SHTN1: variants seen among roughly 807,000 people sequenced by gnomAD.
SHTN1 encodes the protein shootin 1.
In SHTN1, 42 loss-of-function variants were observed where a neutral mutation model predicts 83.1. The observed-to-expected ratio is 0.51, with a 90% CI of 0.39 to 0.65. The LOEUF (loss-of-function observed/expected upper bound fraction) is 0.65. Ranked by LOEUF, SHTN1 falls within the 30% of genes least tolerant of loss-of-function variation. The probability of loss-of-function intolerance (pLI) is 0.00; values close to 1 mark genes in which losing one functional copy is unlikely to be tolerated. For missense variants in SHTN1, 622 were observed against 737.8 expected, an observed-to-expected ratio of 0.84 and a Z score of 1.82; for synonymous variants, 224 against 247.7, an observed-to-expected ratio of 0.90 and a Z score of 0.90.
chr10:116,979,528 T>A (rs547164180), intron 1 of SHTN1, among the ~76,000 whole-genome samples: 2 of 152,338 alleles, frequency 1.3e-5, no homozygotes, highest in Admixed American at 1.3e-4. Flanking sequence ...GTTCAAACGA[T>A]CCTCCTGCCT....
upstream of SHTN1, chr10:117,005,343 G>T: frequency 7.8e-7 from 1 of 1,288,410 alleles, no homozygotes; most frequent in East Asian, 3.6e-5. Flanking sequence ...ACGAGGGCGG[G>T]TCGGCAGCCG....
At chr10:117,095,719 G>A (rs17095675) in intron 1 of SHTN1, among the ~76,000 whole-genome samples, 3,641 of 152,178 alleles carry the variant, frequency 0.024, 130 homozygotes, top group East Asian at 0.12. Flanking sequence ...CTGATTTAGT[G>A]AATTTATGAT....
At chr10:116,941,378 A>T (rs1849369143) in intron 8 of SHTN1, among the ~76,000 whole-genome samples, 2 of 152,212 alleles carry the variant, frequency 1.3e-5, no homozygotes, top group South Asian at 4.1e-4. Context: ...TAAGCAATTT[A>T]TATGTTATTC....
intron 2 of SHTN1, among the ~76,000 whole-genome samples, chr10:117,014,409 G>A (rs979382333): frequency 1.3e-5 from 2 of 152,160 alleles, no homozygotes; most frequent in African/African-American, 4.8e-5. Flanking sequence ...GGGAAGGGAT[G>A]GGGGAAAGGA....
chr10:117,003,139 TAAG>T (rs1851880155), intron 1 of SHTN1, among the ~76,000 whole-genome samples: 2 of 152,038 alleles, frequency 1.3e-5, no homozygotes, highest in Middle Eastern at 3.4e-3. Context: ...TGACCAACCA[TAAG>T]AAGATCTGAT....
chr10:117,064,254 T>A (rs10749239), intron 1 of SHTN1, among the ~76,000 whole-genome samples: 1 of 152,146 alleles, frequency 6.6e-6, no homozygotes, highest in East Asian at 1.9e-4. Context: ...ATATTGAGAC[T>A]ATCCTTGGGC....
At chr10:117,021,282 C>T (rs1393655274) in intron 2 of SHTN1, among the ~76,000 whole-genome samples, 1 of 152,064 alleles carries the variant, frequency 6.6e-6, no homozygotes, top group Non-Finnish European at 1.5e-5. Flanking sequence ...TTTCCTCCCT[C>T]CCTTCTTTCC....
chr10:117,040,952 A>C (rs1852575583), intron 2 of SHTN1, among the ~76,000 whole-genome samples: 1 of 151,562 alleles, frequency 6.6e-6, no homozygotes. Flanking sequence ...TTTATCTTAA[A>C]ATTTTTTTAT....
At chr10:117,059,050 T>C (rs1852864627) in intron 1 of SHTN1, among the ~76,000 whole-genome samples, 1 of 152,106 alleles carries the variant, frequency 6.6e-6, no homozygotes, top group African/African-American at 2.4e-5. Context: ...GTTATAGAAA[T>C]GGATGATGGT....
At chr10:116,901,169 G>C in intron 16 of SHTN1, 1 of 985,340 alleles carries the variant, frequency 1.0e-6, no homozygotes. Flanking sequence ...AAAAAGAGCT[G>C]CCATTGTTAT....
intron 16 of SHTN1, among the ~76,000 whole-genome samples, chr10:116,899,798 T>A (rs1847666885): frequency 6.6e-6 from 1 of 152,152 alleles, no homozygotes; most frequent in African/African-American, 2.4e-5. Flanking sequence ...ACAGGCCAAG[T>A]CTATAAAGTA....
At chr10:117,084,923 T>C (rs899552467) in intron 1 of SHTN1, among the ~76,000 whole-genome samples, 9 of 152,074 alleles carry the variant, frequency 5.9e-5, no homozygotes, top group African/African-American at 1.9e-4. Flanking sequence ...CCCACTGACC[T>C]GCGCCCACTG....
At chr10:116,951,853 T>A (rs1220893013) in intron 6 of SHTN1, 56 bp downstream of exon 6, 22 of 991,644 alleles carry the variant, frequency 2.2e-5, no homozygotes, top group Non-Finnish European at 3.1e-5. Flanking sequence ...ACTTAGCAAA[T>A]CCCCAAACAC....
At chr10:116,933,492 C>T (rs1213977357) in intron 9 of SHTN1, among the ~76,000 whole-genome samples, 12 of 152,052 alleles carry the variant, frequency 7.9e-5, no homozygotes, top group South Asian at 2.1e-4. Context: ...GCAAAGGACA[C>T]GAACGCATCC....
At position 117,066,276 on chromosome 10, in the gene SHTN1, G is replaced by C. The variant is rs532355736; in HGVS notation, c.-188-17766C>G. 9.3e-4 allele frequency among the ~76,000 whole-genome samples: 142 copies of C among 152,096 alleles called. 2 individuals carry two copies. The South Asian group carries it at 0.029, about 31-fold the overall frequency. On this transcript the variant is annotated intron_variant, in intron 1 of 17. Coordinates refer to the SHTN1 transcript ENST00000392901. ...TGTATCACCTCAATTTCTATAGCAG[G>C]TATTCATTTATTCCTCTTTCCACTA...
intron 2 of SHTN1, among the ~76,000 whole-genome samples, chr10:117,021,249 T>A (rs1302491342): frequency 1.3e-5 from 2 of 151,894 alleles, no homozygotes; most frequent in Admixed American, 6.6e-5. Flanking sequence ...GGTACGTGCC[T>A]CCCTTCCTCC....
intron 14 of SHTN1, chr10:116,907,812 CA>C (rs1848032316): frequency 4.1e-6 from 2 of 491,638 alleles, no homozygotes; most frequent in Non-Finnish European, 8.1e-6. Flanking sequence ...ATGCCAGAGT[CA>C]AAAGACAGCT....
chr10:117,029,220 T>C (rs1852371707), intron 2 of SHTN1, among the ~76,000 whole-genome samples: 1 of 152,268 alleles, frequency 6.6e-6, no homozygotes, highest in South Asian at 2.1e-4. Flanking sequence ...GCTCCTTTTT[T>C]ATGGCCAATG....
At chr10:117,088,259 C>A (rs1008642619) in intron 1 of SHTN1, among the ~76,000 whole-genome samples, 2 of 152,216 alleles carry the variant, frequency 1.3e-5, no homozygotes, top group Non-Finnish European at 2.9e-5. Flanking sequence ...CCTCTAATAT[C>A]TACCAGCTAC....
Sources: gnomAD v4.1 joint callset for allele counts (sites outside exome capture counted in the v4.1 genomes callset) on GRCh38, gnomAD v4.1.1 for gene constraint, MANE v1.5 for transcripts, NCBI Gene and HGNC (gene_info 2026-07-23, HGNC 2026-07-21) for gene names.